The following KCNK15 variants were observed in gnomAD, a reference collection of about 807,000 sequenced individuals.
KCNK15 encodes potassium channel subfamily K member 15.
KCNK15 carries 9 observed loss-of-function variants against 8.5 expected under a neutral mutation model. The observed-to-expected ratio is 1.06, with a 90% CI of 0.64 to 1.85. The LOEUF is 1.85. Among genes scored for constraint, KCNK15 ranks in the 40% most tolerant of loss-of-function variants. The pLI is 0.00. For synonymous variants in KCNK15, 224 were observed against 232.7 expected (o/e 0.96, Z 0.34); for missense variants, 467 against 476.8 (o/e 0.98, Z 0.19).
At chr20:44,746,736 CA>C (rs1451390690) in intron 1 of KCNK15, 3 of 152,538 alleles carry the variant, frequency 2.0e-5, no homozygotes, top group Admixed American at 6.5e-5. Flanking sequence ...AAGAAAAGAT[CA>C]TTTTTTTATT....
In KCNK15 at chr20:44,750,218, T is replaced by C; in HGVS notation, c.373T>C (p.Phe125Leu). 1 of 1,612,388 alleles carries C rather than the reference T, an allele frequency of 6.2e-7. No homozygotes were observed. The highest frequency in any genetic ancestry group is 8.5e-7 in the Non-Finnish European group (1 of 1,179,580). The stretch of plus-strand genomic sequence containing the variant: ...GGGCATCCCGCTGACGCTGGTCACT[T>C]TCCAGAGCCTGGGCGAACGGCTGAA... ...LLGIPLTLVTFQSLGERLNAV... is the reference protein window; with the variant it reads ...LLGIPLTLVTLQSLGERLNAV... The change falls in exon 2 of 2, where the codon TTC becomes CTC. Residue 125 changes from phenylalanine (F) to leucine (L), a missense_variant. Physicochemically the swap from Phe to Leu is conservative, Grantham distance 22. This residue lies in a region of KCNK15 where 455 missense variants were observed against 441.2 expected (regional missense o/e 1.03). Transcript: ENST00000372861.
In KCNK15 at chr20:44,750,220, C is replaced by T. The variant is rs1007511726; in HGVS notation, c.375C>T (p.Phe125=). The change falls in exon 2 of 2, where the codon TTC becomes TTT. Residue 125 remains phenylalanine (F), a synonymous_variant. Transcript: ENST00000372861. ...LLGIPLTLVT[F]QSLGERLNAV... ...GCATCCCGCTGACGCTGGTCACTTTCCAGAGCCTGGGCGAACGGCTGAACG... is the reference window on the plus strand; with the variant it reads ...GCATCCCGCTGACGCTGGTCACTTTTCAGAGCCTGGGCGAACGGCTGAACG... The T allele has an allele frequency of 2.5e-6, 4 of 1,612,190 alleles. No individual in the cohort carries two copies. The highest frequency in any genetic ancestry group is 1.3e-5 in the African/African-American group (1 of 74,896).
rs1298139423 is a variant in KCNK15 at position 44,750,358 on chromosome 20, G to A, written c.513G>A (p.Leu171=). Residue 171 remains leucine, a synonymous_variant, in exon 2 of 2, where the codon CTG becomes CTA. Coordinates refer to ENST00000372861, the MANE Select transcript of KCNK15 (RefSeq NM_022358.4). ...GGCTGCTGGCGTGTGCCGCCACCCT[G>A]GCCCTCGGGGCCGTCGCCTTCTCGC... ...VAGLLACAAT[L]ALGAVAFSHF... 1 of 1,613,018 alleles carries A rather than the reference G, an allele frequency of 6.2e-7. No individual in the cohort carries two copies. Among genetic ancestry groups the A allele is most frequent in the Non-Finnish European group, 8.5e-7 (1 of 1,179,768 alleles).
In KCNK15 at chr20:44,751,232, C is replaced by A. The variant is rs1107745; in HGVS notation, c.*394C>A. On this transcript the variant is annotated 3_prime_UTR_variant, in exon 2 of 2. Transcript: ENST00000372861. Reference sequence around the variant, plus strand: ...GCAACTTTCAACACTGGAATCTTCGCTGCAATTAGTGAGGTCAGATGCTCA... The same window carrying A: ...GCAACTTTCAACACTGGAATCTTCGATGCAATTAGTGAGGTCAGATGCTCA... The A allele has an allele frequency of 0.016, 2,588 of 159,604 alleles. 74 individuals carry two copies. The highest frequency in any genetic ancestry group is 0.057 in the African/African-American group (2,371 of 41,738). 9.9% of individuals were successfully genotyped at this position (159,604 alleles called of 1,614,324 possible). A position where few individuals can be genotyped will look rare whatever the true frequency, so the allele number is the denominator to read the frequency against.
chr20:44,748,078 G>C (rs2066014950), intron 1 of KCNK15, among the ~76,000 whole-genome samples: 1 of 152,172 alleles, frequency 6.6e-6, no homozygotes, highest in Non-Finnish European at 1.5e-5. Context: ...ACATACATGG[G>C]TTAGTTACTG....
intron 1 of KCNK15, among the ~76,000 whole-genome samples, chr20:44,748,751 C>T (rs1367555872): frequency 2.0e-5 from 3 of 152,170 alleles, no homozygotes; most frequent in Admixed American, 1.3e-4. Context: ...GGTTTCTCAG[C>T]ATTGGAACTA....
chr20:44,751,132 C>G lies in KCNK15; in HGVS notation c.*294C>G, dbSNP rs539038019. On this transcript the variant is annotated 3_prime_UTR_variant, in exon 2 of 2. Coordinates refer to ENST00000372861, the MANE Select transcript of KCNK15 (RefSeq NM_022358.4). The stretch of plus-strand genomic sequence containing the variant: ...CACTTAGGAGAGGCTCTGCACAGGT[C>G]CACCTCAGAGCCGACCCTCCAGAGC... 1 of 255,290 alleles carries G rather than the reference C, an allele frequency of 3.9e-6. No homozygotes were observed. Among genetic ancestry groups the G allele is most frequent in the African/African-American group, 2.2e-5 (1 of 44,528 alleles). 15.8% of individuals were successfully genotyped at this position (255,290 alleles called of 1,614,324 possible).
chr20:44,747,042 C>G (rs1320987207), intron 1 of KCNK15: 1 of 152,274 alleles, frequency 6.6e-6, no homozygotes, highest in Non-Finnish European at 1.5e-5. Context: ...GCCAGCCACT[C>G]CCCAGGCTCC....
At chr20:44,749,396 T>C (rs946382212) in intron 1 of KCNK15, among the ~76,000 whole-genome samples, 1 of 151,986 alleles carries the variant, frequency 6.6e-6, no homozygotes, top group African/African-American at 2.4e-5. Context: ...CCAGTAAGAA[T>C]CGCCACGCCA....
chr20:44,746,021 C>T lies in KCNK15; in HGVS notation c.111C>T (p.Arg37=). The T allele has an allele frequency of 6.5e-7, 1 of 1,533,004 alleles. No individual in the cohort carries two copies. Among genetic ancestry groups the T allele is most frequent in the Non-Finnish European group, 8.8e-7 (1 of 1,139,788 alleles). The allele number at this position is 1,533,004 out of a possible 1,614,324, so 95.0% of individuals were successfully genotyped here. Residue 37 remains arginine, a synonymous_variant, in exon 1 of 2, where the codon CGC becomes CGT. Transcript: ENST00000372861. Reference sequence around the variant, plus strand: ...TCGAGTCCGAGGCGGAAAGCGGCCGCCAGCGACTGCTGGTCCAGAAGCGGG... The same window carrying T: ...TCGAGTCCGAGGCGGAAAGCGGCCGTCAGCGACTGCTGGTCCAGAAGCGGG... The part of the protein sequence containing the change: ...DALESEAESG[R]QRLLVQKRGA...
chr20:44,746,896 G>C (rs1275075493), intron 1 of KCNK15: 2 of 152,230 alleles, frequency 1.3e-5, no homozygotes, highest in Non-Finnish European at 2.9e-5. Context: ...TCTGCCCTCA[G>C]GGATGCAGAG....
rs2066029197 is a variant in KCNK15 at position 44,750,933 on chromosome 20, C to T, written c.*95C>T. On this transcript the variant is annotated 3_prime_UTR_variant, in exon 2 of 2. Transcript: ENST00000372861. ...CAGGGATTGGAAACGGATGACGGGC[C>T]TCTAGGCGGTCTTCTGCCACGAGCA... 8.2e-6 allele frequency: 7 copies of T among 853,586 alleles called. No individual in the cohort carries two copies. The South Asian group carries it at 1.9e-4, about 23-fold the overall frequency. The allele number at this position is 853,586 out of a possible 1,614,324, so 52.9% of individuals were successfully genotyped here.
Position 44,746,087 on chromosome 20 carries a change from C to T in KCNK15, c.177C>T (p.Tyr59=). 6.5e-7 allele frequency: 1 copy of T among 1,535,526 alleles called. No individual in the cohort carries two copies. Residue 59 remains tyrosine (Y), a synonymous_variant, in exon 1 of 2, where the codon TAC becomes TAT. Coordinates refer to ENST00000372861, the MANE Select transcript of KCNK15 (RefSeq NM_022358.4). ...AGTTCGGCTTCTCGGCCGAGGACTACCGCGAGCTGGAGCGCCTGGCGCTCC... is the reference window on the plus strand; with the variant it reads ...AGTTCGGCTTCTCGGCCGAGGACTATCGCGAGCTGGAGCGCCTGGCGCTCC... ...RRKFGFSAED[Y]RELERLALQA...
At chr20:44,746,241 C>G (rs1305646968) in intron 1 of KCNK15, 48 bp downstream of exon 1, 7 of 1,339,914 alleles carry the variant, frequency 5.2e-6, no homozygotes, top group East Asian at 2.9e-5. Flanking sequence ...CCCCAGCCGT[C>G]CCGGGGCGCC....
rs1359604314 is a variant in KCNK15 at position 44,750,369 on chromosome 20, C to T, written c.524C>T (p.Ala175Val). ...LACAATLALG[A>V]VAFSHFEGWT... ...TGTGCCGCCACCCTGGCCCTCGGGG[C>T]CGTCGCCTTCTCGCACTTCGAGGGC... The change falls in exon 2 of 2, where the codon GCC becomes GTC. Residue 175 changes from alanine to valine, a missense_variant. Coordinates refer to ENST00000372861, the MANE Select transcript of KCNK15 (RefSeq NM_022358.4). 1.2e-6 allele frequency: 2 copies of T among 1,613,494 alleles called. No individual in the cohort carries two copies. The highest frequency in any genetic ancestry group is 1.7e-6 in the Non-Finnish European group (2 of 1,179,810).
In KCNK15 at chr20:44,750,142, C is replaced by CATAGAGTACG. The variant is rs754387861; in HGVS notation, c.297_298insATAGAGTACG (p.Ala100IlefsTer265). ...CTCCCTGCATAGAGTACGGCCACGCCGCGCCGGGTACGGACTCCGGCAAGG... is the reference window on the plus strand; with the variant it reads ...CTCCCTGCATAGAGTACGGCCACGCCATAGAGTACGGCGCCGGGTACGGACTCCGGCAAGG... On this transcript the variant is annotated frameshift_variant, in exon 2 of 2. Transcript: ENST00000372861. LOFTEE classifies it low-confidence loss of function (END_TRUNC). 8.6e-4 allele frequency: 1,377 copies of CATAGAGTACG among 1,609,406 alleles called. 23 individuals carry two copies. The South Asian group carries it at 0.014, about 17-fold the overall frequency.
intron 1 of KCNK15, chr20:44,746,621 C>T (rs1341469700): frequency 1.2e-5 from 2 of 163,042 alleles, no homozygotes; most frequent in African/African-American, 2.4e-5. Flanking sequence ...AAAATAGTGT[C>T]GCTAATCGGC....
intron 1 of KCNK15, among the ~76,000 whole-genome samples, chr20:44,749,190 GA>G (rs1446416981): frequency 2.0e-5 from 3 of 152,322 alleles, no homozygotes; most frequent in African/African-American, 7.2e-5. Flanking sequence ...CAATCTGTTA[GA>G]GGAGGCGCAT....
rs2066029431 is a variant in KCNK15, at chr20:44,750,970, C to T, written c.*132C>T. On this transcript the variant is annotated 3_prime_UTR_variant, in exon 2 of 2. Coordinates refer to ENST00000372861, the MANE Select transcript of KCNK15 (RefSeq NM_022358.4). ...TTCTGCCACGAGCAGTTTCTCATTA[C>T]TGTCTGTGGCTAAGTCCCCTCCCTC... 1.9e-5 allele frequency: 11 copies of T among 568,122 alleles called. No homozygotes were observed. Among genetic ancestry groups the T allele is most frequent in the Admixed American group, 4.3e-5 (1 of 23,332 alleles). 35.2% of individuals were successfully genotyped at this position (568,122 alleles called of 1,614,324 possible).
Sources: gnomAD v4.1 joint callset for allele counts (sites outside exome capture counted in the v4.1 genomes callset) on GRCh38, gnomAD v4.1.1 for gene constraint, gnomAD v4.1.1 regional missense constraint, MANE v1.5 for transcripts, NCBI Gene and HGNC (gene_info 2026-07-23, HGNC 2026-07-21) for gene names.